Variants in OLFM2 observed in about 807,000 individuals in gnomAD.
OLFM2 encodes olfactomedin 2.
Under a neutral mutation model 43.9 loss-of-function variants are expected in OLFM2, and 20 were observed. The observed-to-expected ratio is 0.46, with a 90% CI of 0.32 to 0.66. OLFM2 has a LOEUF of 0.66. OLFM2 is among the 30% of genes least tolerant of loss of function. OLFM2 has a pLI of 0.04. For synonymous variants in OLFM2, 268 were observed against 278.6 expected (o/e 0.96, Z 0.38); for missense variants, 416 against 643.6 (o/e 0.65, Z 3.83).
intron 1 of OLFM2, among the ~76,000 whole-genome samples, chr19:9,867,284 T>C (rs1043854463): frequency 2.6e-5 from 4 of 152,136 alleles, no homozygotes; most frequent in African/African-American, 9.7e-5. Context: ...GGCAGAAGAA[T>C]TGCTTGAACC....
chr19:9,874,812 C>A (rs79275820), intron 1 of OLFM2, among the ~76,000 whole-genome samples: 7,334 of 152,214 alleles, frequency 0.048, 592 homozygotes, highest in African/African-American at 0.17. Context: ...CAAGGTCTTG[C>A]TGTGTTGCCC....
intron 1 of OLFM2, among the ~76,000 whole-genome samples, chr19:9,930,062 A>G (rs913365078): frequency 3.3e-5 from 5 of 152,096 alleles, no homozygotes; most frequent in African/African-American, 1.2e-4. Flanking sequence ...AAAGAAAGAA[A>G]GAAATCCACA....
Position 9,854,178 on chromosome 19 carries a change from G to A in OLFM2, c.*8C>T. Reference sequence around the variant, plus strand: ...CCCCCAGGCAGCAGCCCGAGCCACAGCATTGGCTCAGGGGTCCCCAGAGGT... The same window carrying A: ...CCCCCAGGCAGCAGCCCGAGCCACAACATTGGCTCAGGGGTCCCCAGAGGT... On this transcript the variant is annotated 3_prime_UTR_variant, in exon 6 of 6. Transcript: ENST00000264833. The surrounding 1 kb of genome is among the most constrained non-coding windows in gnomAD (Gnocchi z 9.5). 1.9e-6 allele frequency: 3 copies of A among 1,613,994 alleles called. No individual in the cohort carries two copies. Among genetic ancestry groups the A allele is most frequent in the Non-Finnish European group, 1.7e-6 (2 of 1,179,892 alleles).
intron 1 of OLFM2, among the ~76,000 whole-genome samples, chr19:9,886,841 C>T (rs186476799): frequency 1.8e-4 from 28 of 152,146 alleles, no homozygotes; most frequent in Admixed American, 1.1e-3. Flanking sequence ...TGTGCCACCA[C>T]GCCTGGCTAA....
intron 1 of OLFM2, among the ~76,000 whole-genome samples, chr19:9,873,075 T>G (rs1358535796): frequency 6.6e-6 from 1 of 152,166 alleles, no homozygotes; most frequent in Non-Finnish European, 1.5e-5. Flanking sequence ...CAGAGAAAAG[T>G]CAAGTTACCC....
At chr19:9,876,324 C>A (rs983284872) in intron 1 of OLFM2, among the ~76,000 whole-genome samples, 4 of 152,170 alleles carry the variant, frequency 2.6e-5, no homozygotes, top group African/African-American at 9.7e-5. Flanking sequence ...TGAGGCATTT[C>A]ACACCGATAG....
Position 9,857,839 on chromosome 19 carries a change from A to G in OLFM2, c.236T>C (p.Met79Thr), listed in dbSNP as rs1159698818. 3 of 1,614,102 alleles carry G rather than the reference A, an allele frequency of 1.9e-6. No individual in the cohort carries two copies. Among genetic ancestry groups the G allele is most frequent in the Non-Finnish European group, 1.7e-6 (2 of 1,180,030 alleles). Reference sequence around the variant, plus strand: ...ATACGTCCGCAACTCAAGGACCTCCATGGACTGGGAGACGTTCTGGACCTA... The same window carrying G: ...ATACGTCCGCAACTCAAGGACCTCCGTGGACTGGGAGACGTTCTGGACCTA... ...MEKVQNVSQS[M>T]EVLELRTYRD... Residue 79 changes from methionine (M) to threonine (T), a missense_variant, in exon 3 of 6, where the codon ATG becomes ACG. Coordinates refer to ENST00000264833, the MANE Select transcript of OLFM2 (RefSeq NM_058164.4). This position sits in a 1 kb window ranked among gnomAD's most constrained non-coding sequence, Gnocchi z 5.7.
chr19:9,897,000 C>T (rs577487710), intron 1 of OLFM2, among the ~76,000 whole-genome samples: 11 of 151,940 alleles, frequency 7.2e-5, no homozygotes, highest in South Asian at 2.1e-4. Flanking sequence ...AAGACCAGCC[C>T]GGGCAACATA....
At position 9,854,403 on chromosome 19, in the gene OLFM2, G is replaced by A. The variant is rs1410346406; in HGVS notation, c.1148C>T (p.Thr383Ile). ...AFMICGVLYV[T>I]NSHLAGAKVY... ...CTTGGCCCCAGCCAGGTGGGAGTTG[G>A]TCACGTAGAGCACACCGCAGATCAT... The change falls in exon 6 of 6, where the codon ACC becomes ATC. Residue 383 changes from threonine to isoleucine, a missense_variant. Thr to Ile is a moderately conservative substitution (Grantham distance 89, BLOSUM62 -1). Transcript: ENST00000264833. This position sits in a 1 kb window ranked among gnomAD's most constrained non-coding sequence, Gnocchi z 9.5. The A allele has an allele frequency of 1.2e-6, 2 of 1,614,106 alleles. No individual in the cohort carries two copies. Among genetic ancestry groups the A allele is most frequent in the Admixed American group, 3.3e-5 (2 of 60,002 alleles).
chr19:9,912,865 G>A (rs2046838512), intron 1 of OLFM2, among the ~76,000 whole-genome samples: 1 of 151,664 alleles, frequency 6.6e-6, no homozygotes, highest in Admixed American at 6.6e-5. Context: ...GAGAGAAAAA[G>A]AGAGAAAAAA....
intron 1 of OLFM2, among the ~76,000 whole-genome samples, chr19:9,910,298 G>A (rs1220273975): frequency 6.6e-6 from 1 of 152,074 alleles, no homozygotes; most frequent in Non-Finnish European, 1.5e-5. Flanking sequence ...TAAATTACAG[G>A]GCCAGAATTC....
intron 1 of OLFM2, among the ~76,000 whole-genome samples, chr19:9,908,524 C>G (rs2046801840): frequency 8.3e-6 from 1 of 120,426 alleles, no homozygotes; most frequent in South Asian, 2.8e-4. Context: ...GTCACCCAGG[C>G]TGGAAGTGCA....
At chr19:9,866,442 G>T (rs1295416620) in intron 1 of OLFM2, among the ~76,000 whole-genome samples, 1 of 151,596 alleles carries the variant, frequency 6.6e-6, no homozygotes, top group Non-Finnish European at 1.5e-5. Flanking sequence ...GAAGTCTGTG[G>T]TCTAGCAGCC....
At chr19:9,905,228 C>T (rs1405008142) in intron 1 of OLFM2, among the ~76,000 whole-genome samples, 9 of 152,038 alleles carry the variant, frequency 5.9e-5, no homozygotes, top group Non-Finnish European at 1.2e-4. Context: ...GAGGCCGAGG[C>T]GGGCAGATCA....
intron 1 of OLFM2, among the ~76,000 whole-genome samples, chr19:9,865,438 AGC>A (rs2046393281): frequency 6.7e-6 from 1 of 148,538 alleles, no homozygotes; most frequent in African/African-American, 2.5e-5. Flanking sequence ...AGCCTCCCAA[AGC>A]ACTGGGATTA....
In OLFM2 at chr19:9,854,773, G is replaced by A. The variant is rs2046301416; in HGVS notation, c.778C>T (p.His260Tyr). Residue 260 changes from histidine (H) to tyrosine (Y), a missense_variant, in exon 6 of 6, where the codon CAC becomes TAC. His to Tyr is a moderately conservative substitution (Grantham distance 83). Coordinates refer to ENST00000264833, the MANE Select transcript of OLFM2 (RefSeq NM_058164.4). The surrounding 1 kb of genome is among the most constrained non-coding windows in gnomAD (Gnocchi z 9.5). ...DFIKGQNFIQ[H>Y]LLPQPWAGTG... ...CCCGCCCACGGCTGGGGCAGCAGGT[G>A]CTGGATAAAGTTCTGGCCTTTGATG... The A allele has an allele frequency of 6.2e-7, 1 of 1,613,040 alleles. No homozygotes were observed. Among genetic ancestry groups the A allele is most frequent in the Admixed American group, 1.7e-5 (1 of 59,930 alleles).
chr19:9,904,150 GTT>G (rs1491401888), intron 1 of OLFM2, among the ~76,000 whole-genome samples: 227 of 126,252 alleles, frequency 1.8e-3, no homozygotes, highest in Non-Finnish European at 3.3e-3. Context: ...GCTGAGTATT[GTT>G]TGTGTGTGTG....
At chr19:9,903,710 G>T (rs2046759759) in intron 1 of OLFM2, among the ~76,000 whole-genome samples, 1 of 152,158 alleles carries the variant, frequency 6.6e-6, no homozygotes, top group Non-Finnish European at 1.5e-5. Context: ...GGCCAGCAAG[G>T]TAGGAAACCC....
intron 1 of OLFM2, among the ~76,000 whole-genome samples, chr19:9,891,291 C>A (rs1361949142): frequency 3.0e-5 from 4 of 133,606 alleles, no homozygotes; most frequent in Non-Finnish European, 4.6e-5. Flanking sequence ...ACAGCCTGGG[C>A]AACAGAGCGA....
Sources: gnomAD v4.1 joint callset for allele counts (sites outside exome capture counted in the v4.1 genomes callset) on GRCh38, gnomAD v4.1.1 for gene constraint, Gnocchi (gnomAD v3.1) non-coding constraint, MANE v1.5 for transcripts, NCBI Gene and HGNC (gene_info 2026-07-23, HGNC 2026-07-21) for gene names.